NDC1: variants seen among roughly 807,000 people sequenced by gnomAD.
NDC1 encodes NDC1 transmembrane nucleoporin.
Under a neutral mutation model 89.8 loss-of-function variants are expected in NDC1, and 24 were observed. The ratio of observed to expected loss-of-function variants is 0.27; its 90% confidence interval spans 0.19 to 0.38. NDC1 has a LOEUF of 0.38. Among genes scored for constraint, NDC1 ranks in the 10% least tolerant of loss-of-function variants. NDC1 has a pLI of 1.00. For synonymous variants in NDC1, 296 were observed against 284.8 expected, an observed-to-expected ratio of 1.04 and a Z score of -0.39; for missense variants, 728 against 797.6, an observed-to-expected ratio of 0.91 and a Z score of 1.05.
intron 8 of NDC1, among the ~76,000 whole-genome samples, chr1:53,807,336 T>C (rs1347895821): frequency 2.0e-5 from 3 of 151,684 alleles, no homozygotes; most frequent in Non-Finnish European, 4.4e-5. Context: ...GGAAAATTAA[T>C]TTAAAATTCA....
intron 13 of NDC1, among the ~76,000 whole-genome samples, chr1:53,795,437 C>G (rs1232519997): frequency 2.0e-5 from 3 of 152,172 alleles, no homozygotes; most frequent in Non-Finnish European, 1.5e-5. Context: ...ATAGGTATCT[C>G]AAAATTGGCT....
intron 16 of NDC1, among the ~76,000 whole-genome samples, chr1:53,775,736 T>C (rs28807073): frequency 1.0e-3 from 158 of 152,248 alleles, no homozygotes; most frequent in African/African-American, 3.7e-3. Context: ...CAACAGCAAA[T>C]GAAGGAACAC....
At chr1:53,801,188 A>G (rs1199936919) in intron 10 of NDC1, among the ~76,000 whole-genome samples, 2 of 152,178 alleles carry the variant, frequency 1.3e-5, no homozygotes, top group Non-Finnish European at 2.9e-5. Context: ...TTACTTCACT[A>G]GCAGTATTAA....
At chr1:53,807,520 C>G in intron 8 of NDC1, 136 bp downstream of exon 8, 1 of 586,296 alleles carries the variant, frequency 1.7e-6, no homozygotes, top group East Asian at 3.2e-5. Flanking sequence ...GATATGGCCC[C>G]AAGAGTCTCA....
intron 3 of NDC1, among the ~76,000 whole-genome samples, chr1:53,832,273 T>C (rs1649091929): frequency 6.6e-6 from 1 of 152,200 alleles, no homozygotes; most frequent in South Asian, 2.1e-4. Flanking sequence ...CTCGTATAAG[T>C]AGAATCATAT....
At chr1:53,807,960 G>A (rs1648170717) in intron 7 of NDC1, among the ~76,000 whole-genome samples, 169 bp from the exon 8 acceptor site, 2 of 152,146 alleles carry the variant, frequency 1.3e-5, no homozygotes, top group Non-Finnish European at 2.9e-5. Flanking sequence ...TTCTTATGAG[G>A]TACATGAGGG....
Position 53,838,251 on chromosome 1 carries a change from G to A in NDC1, c.11C>T (p.Ala4Val), listed in dbSNP as rs563958473. 2.6e-4 allele frequency: 393 copies of A among 1,537,190 alleles called. 2 individuals carry two copies. The East Asian group carries it at 7.0e-3, about 27-fold the overall frequency. ...CCTGCCGGCGCAGGGCCGGCTCACG[G>A]CCGTGGCCATGGAGATGGCGGCCCC... The part of the protein sequence containing the change: MAT[A>V]VSRPCAGRSR... Residue 4 changes from alanine (A) to valine (V), a missense_variant, in exon 1 of 18, where the codon GCC becomes GTC. Transcript: ENST00000371429.
chr1:53,775,325 C>T (rs1406637973), intron 16 of NDC1, among the ~76,000 whole-genome samples: 2 of 150,990 alleles, frequency 1.3e-5, no homozygotes, highest in Non-Finnish European at 3.0e-5. Context: ...AGTGTGATCT[C>T]GGCTCACTGC....
intron 6 of NDC1, among the ~76,000 whole-genome samples, chr1:53,812,458 T>C (rs1648341960): frequency 6.6e-6 from 1 of 152,090 alleles, no homozygotes; most frequent in South Asian, 2.1e-4. Context: ...CTTTTAGAAA[T>C]GCGAAATGCT....
intron 10 of NDC1, 144 bp downstream of exon 10, chr1:53,803,784 G>C: frequency 1.6e-6 from 1 of 619,066 alleles, no homozygotes; most frequent in Non-Finnish European, 3.0e-6. Context: ...TGTTAGCCAG[G>C]ATGGTCTTGA....
intron 16 of NDC1, among the ~76,000 whole-genome samples, chr1:53,783,860 C>T (rs12562523): frequency 0.12 from 17,789 of 152,108 alleles, 1,167 homozygotes; most frequent in Non-Finnish European, 0.15. Flanking sequence ...AGTTTCTGTT[C>T]GTTATAAATT....
intron 17 of NDC1, among the ~76,000 whole-genome samples, chr1:53,770,705 A>G (rs1647105181): frequency 6.6e-6 from 1 of 151,728 alleles, no homozygotes. Context: ...TCCAGGCTGG[A>G]GTACAGAGGC....
chr1:53,807,999 G>A (rs902129448), intron 7 of NDC1, among the ~76,000 whole-genome samples: 5 of 152,124 alleles, frequency 3.3e-5, no homozygotes, highest in South Asian at 2.1e-4. Context: ...GACCTAAATC[G>A]GGGCTACAGT....
chr1:53,809,803 C>A, intron 6 of NDC1, 57 bp from the exon 7 acceptor site: 2 of 1,383,954 alleles, frequency 1.4e-6, no homozygotes, highest in South Asian at 2.4e-5. Context: ...AAGTTTTAGT[C>A]AAGCTTTAGA....
At chr1:53,796,132 C>A (rs1027220709) in intron 13 of NDC1, among the ~76,000 whole-genome samples, 2 of 152,202 alleles carry the variant, frequency 1.3e-5, no homozygotes, top group Non-Finnish European at 1.5e-5. Flanking sequence ...TAAAATGATA[C>A]CCTCTCCCTT....
At chr1:53,827,662 T>G (rs1337820883) in intron 4 of NDC1, among the ~76,000 whole-genome samples, 1 of 152,104 alleles carries the variant, frequency 6.6e-6, no homozygotes, top group Non-Finnish European at 1.5e-5. Flanking sequence ...CCTCTTGTTT[T>G]CTGAACCTCC....
At chr1:53,775,506 G>A (rs1038967165) in intron 16 of NDC1, among the ~76,000 whole-genome samples, 6 of 151,952 alleles carry the variant, frequency 3.9e-5, no homozygotes, top group East Asian at 1.9e-4. Flanking sequence ...TGATCCGCCC[G>A]CCTCAGCCTC....
Position 53,803,964 on chromosome 1 carries a change from A to T in NDC1, c.1030T>A (p.Ser344Thr). ...AGGCTGAAAACTTCTTGTCTTCGTG[A>T]AGGAGAATATTGAGAAAGCAACATC... is the stretch of plus-strand genomic sequence containing the variant. The part of the protein sequence containing the change: ...DLMLLSQYSP[S>T]RRQEVFSLSQ... The change falls in exon 10 of 18, where the codon TCA (serine) becomes ACA (threonine). Residue 344 changes from serine to threonine, a missense_variant. By Grantham distance (58) the Ser-to-Thr change is moderately conservative. Coordinates refer to ENST00000371429, the MANE Select transcript of NDC1 (RefSeq NM_018087.5). 1.9e-6 allele frequency: 3 copies of T among 1,614,104 alleles called. No homozygotes were observed. The highest frequency in any genetic ancestry group is 2.5e-6 in the Non-Finnish European group (3 of 1,179,958).
chr1:53,771,765 A>C (rs950158704), intron 17 of NDC1, among the ~76,000 whole-genome samples: 1 of 152,230 alleles, frequency 6.6e-6, no homozygotes, highest in Non-Finnish European at 1.5e-5. Flanking sequence ...AGTATCCCTC[A>C]TCCTGCCTAG....
Sources: gnomAD v4.1 joint callset for allele counts (sites outside exome capture counted in the v4.1 genomes callset) on GRCh38, gnomAD v4.1.1 for gene constraint, MANE v1.5 for transcripts, NCBI Gene and HGNC (gene_info 2026-07-23, HGNC 2026-07-21) for gene names.